MTF1: variants seen among roughly 807,000 people sequenced by gnomAD.
The protein encoded by MTF1 is MRE-binding transcription factor.
Under a neutral mutation model 70.4 loss-of-function variants are expected in MTF1, and 22 were observed. The observed-to-expected ratio is 0.31, with a 90% CI of 0.22 to 0.45. The LOEUF is 0.45. Ranked by LOEUF, MTF1 falls within the 20% of genes least tolerant of loss-of-function variation. The pLI is 1.00. For missense variants in MTF1, 649 were observed against 922.0 expected (o/e 0.70, Z 3.83); for synonymous variants, 333 against 352.8 (o/e 0.94, Z 0.63).
intron 7 of MTF1, among the ~76,000 whole-genome samples, chr1:37,825,018 T>G (rs1288071917): frequency 2.0e-5 from 3 of 152,114 alleles, no homozygotes; most frequent in African/African-American, 7.2e-5. Flanking sequence ...CTATCCATGG[T>G]CAACCTCCAA....
intron 2 of MTF1, among the ~76,000 whole-genome samples, chr1:37,844,021 T>C (rs1641296378): frequency 6.6e-6 from 1 of 152,258 alleles, no homozygotes; most frequent in African/African-American, 2.4e-5. Context: ...GAATCACTAA[T>C]CCAGGCATTC....
intron 7 of MTF1, among the ~76,000 whole-genome samples, chr1:37,831,017 T>C (rs142788596): frequency 3.0e-4 from 46 of 152,332 alleles, no homozygotes; most frequent in African/African-American, 7.9e-4. Flanking sequence ...GGCTGCCTCG[T>C]TGGGTGCCAA....
At chr1:37,832,412 T>TA in intron 6 of MTF1, 90 bp from the exon 7 acceptor site, 1 of 812,710 alleles carries the variant, frequency 1.2e-6, no homozygotes, top group Non-Finnish European at 2.1e-6. Flanking sequence ...ACAAAGTCCC[T>TA]AATGTTCCAC....
intron 2 of MTF1, among the ~76,000 whole-genome samples, chr1:37,844,360 T>C (rs1641301898): frequency 6.6e-6 from 1 of 152,156 alleles, no homozygotes; most frequent in Non-Finnish European, 1.5e-5. Flanking sequence ...TTCTCTTCCT[T>C]TAACGCGAGC....
At chr1:37,856,499 CTTTTTTTTTTT>C (rs35260301) in intron 2 of MTF1, among the ~76,000 whole-genome samples, 1 of 122,710 alleles carries the variant, frequency 8.1e-6, no homozygotes, top group African/African-American at 3.1e-5. Context: ...GAATTTCTTT[CTTTTTTTTTTT>C]TTTTTTTTAG....
At chr1:37,832,582 TTAAC>T (rs1248091598) in intron 6 of MTF1, among the ~76,000 whole-genome samples, 1 of 152,184 alleles carries the variant, frequency 6.6e-6, no homozygotes, top group Non-Finnish European at 1.5e-5. Flanking sequence ...GCTGCACCCA[TTAAC>T]TCATCATTTA....
chr1:37,853,659 A>C (rs544659948), intron 2 of MTF1, among the ~76,000 whole-genome samples: 2 of 151,898 alleles, frequency 1.3e-5, no homozygotes, highest in African/African-American at 4.8e-5. Flanking sequence ...TCTTGGAAAA[A>C]CCTTCTCCTG....
intron 9 of MTF1, among the ~76,000 whole-genome samples, chr1:37,820,000 C>CATATT (rs112605858): frequency 0.61 from 84,285 of 137,576 alleles, 27,483 homozygotes; most frequent in Non-Finnish European, 0.72. Flanking sequence ...AAGTGAGACC[C>CATATT]TAAATATCTG....
intron 9 of MTF1, among the ~76,000 whole-genome samples, chr1:37,819,348 C>T (rs1380670062): frequency 6.6e-6 from 1 of 151,640 alleles, no homozygotes; most frequent in African/African-American, 2.4e-5. Context: ...TAAGACCGGG[C>T]GCGGTGGCTC....
chr1:37,820,423 C>T (rs1432972472), intron 9 of MTF1, among the ~76,000 whole-genome samples: 1 of 152,242 alleles, frequency 6.6e-6, no homozygotes, highest in Non-Finnish European at 1.5e-5. Flanking sequence ...ATGCTTAAAT[C>T]CCAGCTTTGC....
Position 37,853,366 on chromosome 1 carries a change from A to G in MTF1, c.408+3885T>C, listed in dbSNP as rs56916012. On this transcript the variant is annotated intron_variant, in intron 2 of 10. Coordinates refer to ENST00000373036, the MANE Select transcript of MTF1 (RefSeq NM_005955.3). Reference sequence around the variant, plus strand: ...TATGTTCTAGTCTAAGGGTCAGCACACTACAGCCAGTGAACCAAATCCACC... The same window carrying G: ...TATGTTCTAGTCTAAGGGTCAGCACGCTACAGCCAGTGAACCAAATCCACC... Among the ~76,000 whole-genome samples, 894 of 152,284 alleles carry G rather than the reference A, an allele frequency of 5.9e-3. 6 individuals are homozygous for G. The highest frequency in any genetic ancestry group is 0.02 in the African/African-American group (823 of 41,564).
rs1640793089 is a variant in MTF1, at chr1:37,815,019, G to A, written c.*117C>T. On this transcript the variant is annotated 3_prime_UTR_variant, in exon 11 of 11. Coordinates refer to ENST00000373036, the MANE Select transcript of MTF1 (RefSeq NM_005955.3). This position sits in a 1 kb window ranked among gnomAD's most constrained non-coding sequence, Gnocchi z 4.5. ...AATAAAGAAAATACGTCTGAAAGGT[G>A]AGGATTTCAAACAGTAGATTTCTTC... is the stretch of plus-strand genomic sequence containing the variant. 2.5e-6 allele frequency: 2 copies of A among 793,534 alleles called. No homozygotes were observed. The highest frequency in any genetic ancestry group is 1.7e-5 in the African/African-American group (1 of 57,464). The allele number at this position is 793,534 out of a possible 1,614,324, so 49.2% of individuals were successfully genotyped here.
rs376634044 is a variant in MTF1 at position 37,840,162 on chromosome 1, G to A, written c.409-4C>T. ...AGGTACATTGGTACCGCTTTACCTG[G>A]CAGAGAAAAGATACCTCATCAACAG... On this transcript the variant is annotated splice_polypyrimidine_tract_variant and splice_region_variant and intron_variant, in intron 2 of 10. Transcript: ENST00000373036. This position sits in a 1 kb window ranked among gnomAD's most constrained non-coding sequence, Gnocchi z 4.5. 38 of 1,613,564 alleles carry A rather than the reference G, an allele frequency of 2.4e-5. No homozygotes were observed. The African/African-American group carries it at 4.4e-4, about 19-fold the overall frequency.
intron 10 of MTF1, among the ~76,000 whole-genome samples, chr1:37,816,277 T>A (rs1377647599): frequency 1.3e-5 from 2 of 152,168 alleles, no homozygotes; most frequent in African/African-American, 4.8e-5. Context: ...CATGCCTGTA[T>A]GTAATCCCTG....
intron 7 of MTF1, among the ~76,000 whole-genome samples, chr1:37,831,321 T>TG (rs1194363133): frequency 6.6e-6 from 1 of 152,158 alleles, no homozygotes; most frequent in African/African-American, 2.4e-5. Context: ...TCAGCAGGCT[T>TG]GGGGGGAGGC....
At chr1:37,856,592 C>T (rs537064007) in intron 2 of MTF1, among the ~76,000 whole-genome samples, 13 of 151,360 alleles carry the variant, frequency 8.6e-5, no homozygotes, top group East Asian at 3.9e-4. Flanking sequence ...CTCTGCCTCC[C>T]GGGTCCAAGT....
intron 2 of MTF1, among the ~76,000 whole-genome samples, chr1:37,843,202 T>C (rs1039183954): frequency 6.6e-6 from 1 of 152,102 alleles, no homozygotes; most frequent in Non-Finnish European, 1.5e-5. Context: ...TGTTTTGCTA[T>C]GTTGCCCAGG....
chr1:37,850,732 T>G (rs570901223), intron 2 of MTF1, among the ~76,000 whole-genome samples: 2 of 152,226 alleles, frequency 1.3e-5, no homozygotes, highest in South Asian at 4.1e-4. Context: ...GTTTATTTTT[T>G]GCGCAAGACA....
intron 6 of MTF1, among the ~76,000 whole-genome samples, chr1:37,832,867 G>A (rs1244658487): frequency 1.3e-5 from 2 of 151,906 alleles, no homozygotes; most frequent in Non-Finnish European, 2.9e-5. Flanking sequence ...TTAGCTAGGC[G>A]CGGTGGTGTG....
Sources: gnomAD v4.1 joint callset for allele counts (sites outside exome capture counted in the v4.1 genomes callset) on GRCh38, gnomAD v4.1.1 for gene constraint, Gnocchi (gnomAD v3.1) non-coding constraint, MANE v1.5 for transcripts, NCBI Gene and HGNC (gene_info 2026-07-23, HGNC 2026-07-21) for gene names.